The following DNAJC6 variants were observed in gnomAD, a reference collection of about 807,000 sequenced individuals.
DNAJC6 encodes auxilin.
A neutral mutation model predicts 110.0 loss-of-function variants in DNAJC6; 34 were observed. The observed-to-expected ratio is 0.31, with a 90% CI of 0.24 to 0.41. DNAJC6 has a LOEUF of 0.41. Ranked by LOEUF, DNAJC6 falls within the 10% of genes least tolerant of loss-of-function variation. The probability of loss-of-function intolerance (pLI) is 1.00; values close to 1 mark genes in which losing one functional copy is unlikely to be tolerated. For synonymous variants in DNAJC6, 406 were observed against 437.2 expected (o/e 0.93, Z 0.89); for missense variants, 1,031 against 1,207.8 (o/e 0.85, Z 2.17).
chr1:65,359,301 G>T (rs1235928421), intron 1 of DNAJC6, among the ~76,000 whole-genome samples: 6 of 152,160 alleles, frequency 3.9e-5, no homozygotes, highest in African/African-American at 1.4e-4. Flanking sequence ...GACTGGTCAG[G>T]TTCCTACAAC....
chr1:65,308,532 T>C (rs936331962), upstream of DNAJC6, among the ~76,000 whole-genome samples: 3 of 152,234 alleles, frequency 2.0e-5, no homozygotes, highest in South Asian at 2.1e-4. Flanking sequence ...CCAGAACTTA[T>C]ACAATGTCGG....
rs1645080178 is a variant in DNAJC6, at chr1:65,309,824, G to T, written c.79G>T (p.Asp27Tyr). 1.9e-6 allele frequency: 3 copies of T among 1,549,400 alleles called. No individual in the cohort carries two copies. The highest frequency in any genetic ancestry group is 1.2e-5 in the South Asian group (1 of 84,044). The change falls in exon 1 of 19, where the codon GAC becomes TAC. Residue 27 changes from aspartate to tyrosine, a missense_variant. By Grantham distance (160) the Asp-to-Tyr change is radical. Transcript: ENST00000371069. ...ESLQLVDSNG[D>Y]LSAGSGGVGG... ...TTTGCAGCTGGTGGACAGTAACGGG[G>T]ACTTAAGTGCGGGAAGCGGCGGGGT... is the stretch of plus-strand genomic sequence containing the variant.
chr1:65,363,412 C>CAG (rs756543738), intron 1 of DNAJC6, among the ~76,000 whole-genome samples: 4,028 of 119,644 alleles, frequency 0.034, 78 homozygotes, highest in African/African-American at 0.064. Context: ...GAAATACAGA[C>CAG]AGAGAGAGAG....
chr1:65,349,091 A>AATACATATATATAAATATATATGTGT (rs1557534979), intron 1 of DNAJC6, among the ~76,000 whole-genome samples: 1 of 135,860 alleles, frequency 7.4e-6, no homozygotes, highest in African/African-American at 2.8e-5. Context: ...TATATATGTA[A>AATACATATATATAAATATATATGTGT]ATATATATAT....
chr1:65,411,957 T>G (rs561444591), intron 18 of DNAJC6, among the ~76,000 whole-genome samples: 2 of 152,184 alleles, frequency 1.3e-5, no homozygotes, highest in East Asian at 1.9e-4. Context: ...GGCAACAGAG[T>G]GAGACCCTGT....
intron 1 of DNAJC6, among the ~76,000 whole-genome samples, chr1:65,329,606 G>A (rs1645269490): frequency 6.6e-6 from 1 of 152,004 alleles, no homozygotes; most frequent in African/African-American, 2.4e-5. Context: ...GGATCGTGTA[G>A]CCAGATTAGT....
chr1:65,315,101 T>C (rs1460222061), intron 1 of DNAJC6, among the ~76,000 whole-genome samples: 1 of 152,222 alleles, frequency 6.6e-6, no homozygotes, highest in African/African-American at 2.4e-5. Flanking sequence ...GTTCTCTAGA[T>C]ACAAATTATG....
intron 4 of DNAJC6, among the ~76,000 whole-genome samples, chr1:65,370,871 G>A (rs1188382353): frequency 1.3e-5 from 2 of 152,152 alleles, no homozygotes; most frequent in African/African-American, 4.8e-5. Flanking sequence ...CAAAGAGGTC[G>A]CTACAGCTCC....
At chr1:65,358,439 G>C (rs1411026751) in intron 1 of DNAJC6, among the ~76,000 whole-genome samples, 2 of 152,154 alleles carry the variant, frequency 1.3e-5, no homozygotes, top group African/African-American at 4.8e-5. Flanking sequence ...TTGTGTATAA[G>C]ATGAAGATAG....
At chr1:65,368,583 TCC>T (rs1645671756) in intron 4 of DNAJC6, among the ~76,000 whole-genome samples, 1 of 128,686 alleles carries the variant, frequency 7.8e-6, no homozygotes, top group South Asian at 2.6e-4. Flanking sequence ...CTCTTCTTCC[TCC>T]TCTTCTTCTT....
At chr1:65,341,387 C>A (rs1570300736) in intron 1 of DNAJC6, among the ~76,000 whole-genome samples, 1 of 152,096 alleles carries the variant, frequency 6.6e-6, no homozygotes, top group African/African-American at 2.4e-5. Context: ...TTTGGAGACC[C>A]TTTTTATGGT....
intron 1 of DNAJC6, among the ~76,000 whole-genome samples, chr1:65,328,270 G>A (rs1347094129): frequency 6.6e-6 from 1 of 152,146 alleles, no homozygotes; most frequent in Non-Finnish European, 1.5e-5. Flanking sequence ...TCTCAATGAT[G>A]AATTTATATT....
chr1:65,282,156 T>C (rs1182088888), intron 1 of DNAJC6, among the ~76,000 whole-genome samples: 2 of 152,276 alleles, frequency 1.3e-5, no homozygotes, highest in East Asian at 3.9e-4. Flanking sequence ...ACTCCAGGGC[T>C]CAAGTGATCC....
Position 65,394,883 on chromosome 1 carries a change from C to G in DNAJC6, c.1904-15C>G. On this transcript the variant is annotated splice_polypyrimidine_tract_variant and intron_variant, in intron 12 of 18. Coordinates refer to ENST00000371069, the MANE Select transcript of DNAJC6 (RefSeq NM_001256864.2). ...CTCATGGGACAAATAAATATATTTT[C>G]CCATTGTTTTCTAGGTGCCACCTTT... is the stretch of plus-strand genomic sequence containing the variant. The G allele has an allele frequency of 6.4e-7, 1 of 1,569,866 alleles. No homozygotes were observed. The highest frequency in any genetic ancestry group is 8.6e-7 in the Non-Finnish European group (1 of 1,162,780).
chr1:65,330,766 C>T (rs1306183337), intron 1 of DNAJC6, among the ~76,000 whole-genome samples: 2 of 152,226 alleles, frequency 1.3e-5, no homozygotes, highest in East Asian at 3.9e-4. Context: ...CGCGCCCAGC[C>T]TTGAAGGCTT....
chr1:65,365,784 G>A (rs1645640091), intron 2 of DNAJC6, 101 bp from the exon 3 acceptor site: 1 of 1,308,786 alleles, frequency 7.6e-7, no homozygotes, highest in Non-Finnish European at 1.1e-6. Flanking sequence ...CATGCCCCCT[G>A]GACAGCGGTG....
At chr1:65,335,694 G>T (rs1286517527) in intron 1 of DNAJC6, among the ~76,000 whole-genome samples, 1 of 152,164 alleles carries the variant, frequency 6.6e-6, no homozygotes, top group Non-Finnish European at 1.5e-5. Flanking sequence ...CAGCAAAGAC[G>T]CAGGGAGAAA....
upstream of DNAJC6, among the ~76,000 whole-genome samples, chr1:65,307,012 C>A (rs1388770756): frequency 0.052 from 4,074 of 79,090 alleles, 121 homozygotes; most frequent in African/African-American, 0.12. Context: ...CTCTCTCTCT[C>A]TCTCTCTATA....
intron 1 of DNAJC6, among the ~76,000 whole-genome samples, chr1:65,286,038 T>C (rs962709686): frequency 2.0e-5 from 3 of 152,230 alleles, no homozygotes; most frequent in African/African-American, 7.2e-5. Flanking sequence ...AAAGTTGATG[T>C]GCAGGATATA....
Sources: allele counts gnomAD v4.1 joint callset (sites outside exome capture counted in the v4.1 genomes callset), GRCh38; gene constraint gnomAD v4.1.1; transcripts MANE v1.5; gene names NCBI Gene and HGNC (gene_info 2026-07-23, HGNC 2026-07-21).